UBE4B: variants seen among roughly 807,000 people sequenced by gnomAD.
UBE4B encodes the protein ubiquitination factor E4B, also known as ubiquitin conjugation factor E4 B.
A neutral mutation model predicts 148.1 loss-of-function variants in UBE4B; 27 were observed. The observed-to-expected ratio is 0.18, with a 90% CI of 0.13 to 0.25. The LOEUF (loss-of-function observed/expected upper bound fraction) is 0.25. Ranked by LOEUF, UBE4B falls within the 10% of genes least tolerant of loss-of-function variation. UBE4B has a pLI of 1.00. For missense variants in UBE4B, 1,170 were observed against 1,662.4 expected (o/e 0.70, Z 5.15); for synonymous variants, 596 against 619.3 (o/e 0.96, Z 0.56).
Position 10,065,489 on chromosome 1 carries a change from C to A in UBE4B, c.25-6539C>A, listed in dbSNP as rs1016977090. ...CTGTCTGGGGAAGGTTCTATTTCCC[C>A]ACGCTGCAGGGGTAGTTTCGGCCCT... On this transcript the variant is annotated intron_variant, in intron 1 of 27. Transcript: ENST00000343090. Among the ~76,000 whole-genome samples the A allele has an allele frequency of 2.0e-5, 3 of 152,176 alleles. No individual in the cohort carries two copies. The South Asian group carries it at 6.2e-4, about 32-fold the overall frequency.
At chr1:10,073,705 T>A (rs1644527689) in intron 2 of UBE4B, among the ~76,000 whole-genome samples, 1 of 151,962 alleles carries the variant, frequency 6.6e-6, no homozygotes, top group Non-Finnish European at 1.5e-5. Context: ...GGTGATGGCG[T>A]GAGATTCTGT....
intron 2 of UBE4B, among the ~76,000 whole-genome samples, chr1:10,092,492 G>A (rs1296379604): frequency 6.6e-6 from 1 of 151,418 alleles, no homozygotes; most frequent in Non-Finnish European, 1.5e-5. Context: ...AAAGTGCTGG[G>A]ATTACAGGCG....
chr1:10,107,752 AT>A (rs1346188782), intron 7 of UBE4B, among the ~76,000 whole-genome samples: 3 of 151,614 alleles, frequency 2.0e-5, no homozygotes, highest in Non-Finnish European at 4.4e-5. Flanking sequence ...TAATTTTTGT[AT>A]TTTTAGTAGA....
intron 26 of UBE4B, 78 bp from the exon 27 acceptor site, chr1:10,179,338 C>G (rs1451698697): frequency 9.0e-6 from 14 of 1,557,720 alleles, no homozygotes; most frequent in Non-Finnish European, 1.1e-5. Flanking sequence ...AGATTTTTCG[C>G]TGGTAGAACG....
At chr1:10,061,548 G>A (rs895796893) in intron 1 of UBE4B, among the ~76,000 whole-genome samples, 4 of 152,146 alleles carry the variant, frequency 2.6e-5, no homozygotes, top group African/African-American at 9.7e-5. Flanking sequence ...ACCGCACTTG[G>A]CCCTGAGCAA....
At chr1:10,087,187 G>C (rs1156782307) in intron 2 of UBE4B, among the ~76,000 whole-genome samples, 2 of 152,146 alleles carry the variant, frequency 1.3e-5, no homozygotes, top group Admixed American at 6.6e-5. Flanking sequence ...GAAGTAGGCT[G>C]CACAGATGCC....
Position 10,171,266 on chromosome 1 carries a change from A to G in UBE4B, c.3462A>G (p.Gln1154=), listed in dbSNP as rs1031409728. Residue 1154 remains glutamine, a synonymous_variant, in exon 25 of 28, where the codon CAA becomes CAG. Transcript: ENST00000343090. ...TTGAACCAAAGAAGCTGTTGGACCA[A>G]CTGACGGATATTTACTTACAGCTGG... The part of the protein sequence containing the change: ...YGFEPKKLLD[Q]LTDIYLQLDC... 1.2e-6 allele frequency: 2 copies of G among 1,614,116 alleles called. No individual in the cohort carries two copies. Among genetic ancestry groups the G allele is most frequent in the South Asian group, 1.1e-5 (1 of 91,088 alleles).
chr1:10,110,364 G>A (rs1259571397), intron 7 of UBE4B, among the ~76,000 whole-genome samples: 2 of 152,118 alleles, frequency 1.3e-5, no homozygotes, highest in South Asian at 2.1e-4. Flanking sequence ...CTTTTTGCGC[G>A]AGTGGCATAA....
chr1:10,041,728 C>T (rs761084592), intron 1 of UBE4B, among the ~76,000 whole-genome samples: 4 of 152,134 alleles, frequency 2.6e-5, no homozygotes, highest in Admixed American at 2.0e-4. Flanking sequence ...GACAGAGCCT[C>T]GCTGTGTCCC....
intron 16 of UBE4B, among the ~76,000 whole-genome samples, chr1:10,135,943 T>C (rs776672807): frequency 6.6e-6 from 1 of 152,066 alleles, no homozygotes; most frequent in Non-Finnish European, 1.5e-5. Context: ...TAATTCTACT[T>C]TTCAGGTTAT....
intron 16 of UBE4B, among the ~76,000 whole-genome samples, chr1:10,136,482 T>TGA (rs1487520079): frequency 2.4e-5 from 3 of 123,876 alleles, no homozygotes. Flanking sequence ...AAGACCCTCT[T>TGA]AAAAAAAAAA....
chr1:10,036,389 T>C (rs1187639734), intron 1 of UBE4B, among the ~76,000 whole-genome samples: 1 of 152,164 alleles, frequency 6.6e-6, no homozygotes, highest in Admixed American at 6.5e-5. Context: ...AATGTAAAAT[T>C]ATCTTCAACA....
intron 23 of UBE4B, among the ~76,000 whole-genome samples, chr1:10,166,592 A>G (rs1266417875): frequency 6.6e-6 from 1 of 152,100 alleles, no homozygotes; most frequent in Non-Finnish European, 1.5e-5. Flanking sequence ...GTTTGAGACC[A>G]GCCTGATCAA....
At chr1:10,150,038 TAACA>T (rs1557598046) in intron 20 of UBE4B, among the ~76,000 whole-genome samples, 1 of 152,044 alleles carries the variant, frequency 6.6e-6, no homozygotes, top group Non-Finnish European at 1.5e-5. Context: ...GAAAGTTTTG[TAACA>T]AACAACAGGA....
chr1:10,036,480 G>A (rs1002035570), intron 1 of UBE4B, among the ~76,000 whole-genome samples: 3 of 151,470 alleles, frequency 2.0e-5, no homozygotes, highest in African/African-American at 7.3e-5. Context: ...AATAATATTC[G>A]TTTGTTTTTA....
intron 1 of UBE4B, among the ~76,000 whole-genome samples, chr1:10,038,228 C>T (rs555537462): frequency 2.7e-5 from 4 of 147,980 alleles, no homozygotes; most frequent in South Asian, 4.3e-4. Context: ...TGCAGTGGGC[C>T]GAGATCACAC....
At chr1:10,046,508 G>T (rs752420198) in intron 1 of UBE4B, among the ~76,000 whole-genome samples, 1 of 152,104 alleles carries the variant, frequency 6.6e-6, no homozygotes, top group Non-Finnish European at 1.5e-5. Context: ...AATACTCTGC[G>T]CTGGTCCATA....
At chr1:10,057,305 A>G (rs1305647451) in intron 1 of UBE4B, among the ~76,000 whole-genome samples, 2 of 152,100 alleles carry the variant, frequency 1.3e-5, no homozygotes, top group Non-Finnish European at 2.9e-5. Flanking sequence ...TTTTTGTTAC[A>G]GTTTATAAAA....
chr1:10,139,676 A>G (rs1645754863), intron 17 of UBE4B, among the ~76,000 whole-genome samples: 1 of 152,138 alleles, frequency 6.6e-6, no homozygotes, highest in Non-Finnish European at 1.5e-5. Flanking sequence ...TCCTTTTATC[A>G]TTTTAATGTC....
Sources: allele counts gnomAD v4.1 joint callset (sites outside exome capture counted in the v4.1 genomes callset), GRCh38; gene constraint gnomAD v4.1.1; transcripts MANE v1.5; gene names NCBI Gene and HGNC (gene_info 2026-07-23, HGNC 2026-07-21).